Variants in SNX6 observed in about 807,000 individuals in gnomAD.
SNX6 encodes sorting nexin 6.
Under a neutral mutation model 63.0 loss-of-function variants are expected in SNX6, and 34 were observed. That is an observed-to-expected ratio of 0.54 (90% CI 0.41 to 0.72). The LOEUF is 0.72. Among genes scored for constraint, SNX6 ranks in the 30% least tolerant of loss-of-function variants. The pLI is 0.00. For synonymous variants in SNX6, 170 were observed against 164.2 expected (o/e 1.04, Z -0.27); for missense variants, 398 against 471.4 (o/e 0.84, Z 1.44).
chr14:34,567,527 T>C (rs983644138), intron 13 of SNX6, among the ~76,000 whole-genome samples, 159 bp downstream of exon 13: 2 of 152,102 alleles, frequency 1.3e-5, no homozygotes, highest in Non-Finnish European at 2.9e-5. Context: ...ACCAACTATT[T>C]TGAAGCAGTG....
At chr14:34,585,986 C>G (rs889928408) in intron 9 of SNX6, among the ~76,000 whole-genome samples, 1 of 152,048 alleles carries the variant, frequency 6.6e-6, no homozygotes, top group African/African-American at 2.4e-5. Context: ...CTCACTGCAA[C>G]CTCTGCCTCC....
At chr14:34,568,618 C>G in intron 11 of SNX6, 1 of 668,540 alleles carries the variant, frequency 1.5e-6, no homozygotes, top group Non-Finnish European at 2.7e-6. Context: ...CAAGCGTGAG[C>G]CACTGCACTC....
chr14:34,576,215 G>A (rs1002577361), intron 10 of SNX6, among the ~76,000 whole-genome samples: 15 of 151,614 alleles, frequency 9.9e-5, no homozygotes, highest in Admixed American at 7.9e-4. Flanking sequence ...GTGAGCCACC[G>A]CGCCCGGCCT....
rs192112164 is a variant in SNX6 at position 34,570,663 on chromosome 14, C to T, written c.922-2650G>A. 5.2e-3 allele frequency among the ~76,000 whole-genome samples: 789 copies of T among 150,756 alleles called. 28 individuals are homozygous for T. Among genetic ancestry groups the T allele is most frequent in the Admixed American group, 0.049 (734 of 15,024 alleles). ...GTCTTGAACTCTCAACCTCGTGATC[C>T]ACCTGCCTCAGCCTCCCAAAATGCT... On this transcript the variant is annotated intron_variant, in intron 11 of 13. Transcript: ENST00000362031.
intron 2 of SNX6, among the ~76,000 whole-genome samples, chr14:34,612,605 T>C (rs919970396): frequency 6.6e-6 from 1 of 152,012 alleles, no homozygotes; most frequent in African/African-American, 2.4e-5. Context: ...AGCTAATTTT[T>C]GTATTTTTAG....
At chr14:34,576,252 C>G (rs1776060415) in intron 10 of SNX6, among the ~76,000 whole-genome samples, 1 of 151,712 alleles carries the variant, frequency 6.6e-6, no homozygotes, top group Admixed American at 6.6e-5. Context: ...ACTTAATTTC[C>G]TACTTAATTT....
At chr14:34,577,786 T>C (rs1413662125) in intron 10 of SNX6, among the ~76,000 whole-genome samples, 6 of 152,100 alleles carry the variant, frequency 3.9e-5, no homozygotes. Context: ...TAAGGGAGAA[T>C]CATTAGTAAC....
At chr14:34,612,876 C>A (rs1258369875) in intron 2 of SNX6, among the ~76,000 whole-genome samples, 2 of 151,708 alleles carry the variant, frequency 1.3e-5, no homozygotes, top group Non-Finnish European at 2.9e-5. Context: ...GTGGAGAAGC[C>A]CTGTCTCTAC....
At chr14:34,609,538 G>C (rs913584772) in intron 3 of SNX6, 100 bp downstream of exon 3, 8 of 364,964 alleles carry the variant, frequency 2.2e-5, no homozygotes, top group African/African-American at 1.2e-4. Context: ...TGTTAAAATA[G>C]TTTCTTTCCA....
At chr14:34,613,130 T>G (rs1449853503) in intron 2 of SNX6, among the ~76,000 whole-genome samples, 1 of 151,226 alleles carries the variant, frequency 6.6e-6, no homozygotes, top group East Asian at 2.0e-4. Context: ...ATTAGAGTAA[T>G]GCAGCCACAA....
chr14:34,608,538 G>A (rs1466017714), intron 3 of SNX6, among the ~76,000 whole-genome samples: 3 of 152,110 alleles, frequency 2.0e-5, no homozygotes, highest in African/African-American at 7.2e-5. Flanking sequence ...TGTCCTTTAA[G>A]TCTACCATAA....
chr14:34,577,086 G>A (rs1394201866), intron 10 of SNX6, among the ~76,000 whole-genome samples: 2 of 151,732 alleles, frequency 1.3e-5, no homozygotes, highest in Non-Finnish European at 2.9e-5. Context: ...AACTTTCTAG[G>A]TATTTCTTTC....
intron 11 of SNX6, 130 bp from the exon 12 acceptor site, chr14:34,568,143 A>ATTTT: frequency 1.6e-6 from 1 of 620,382 alleles, no homozygotes; most frequent in Non-Finnish European, 2.5e-6. Context: ...CAGTTACTCC[A>ATTTT]ATTTTTTTTT....
At position 34,608,148 on chromosome 14, in the gene SNX6, G is replaced by A. The variant is rs775988867; in HGVS notation, c.160-8C>T. 4 of 1,489,482 alleles carry A rather than the reference G, an allele frequency of 2.7e-6. No homozygotes were observed. Among genetic ancestry groups the A allele is most frequent in the Non-Finnish European group, 3.7e-6 (4 of 1,085,498 alleles). The allele number at this position is 1,489,482 out of a possible 1,614,324, so 92.3% of individuals were successfully genotyped here. ...AAAATTTGGCAATGAACTCTGTAAAGATAGAGATTTTCTTGAATAAAAATC... is the reference window on the plus strand; with the variant it reads ...AAAATTTGGCAATGAACTCTGTAAAAATAGAGATTTTCTTGAATAAAAATC... On this transcript the variant is annotated splice_region_variant and splice_polypyrimidine_tract_variant and intron_variant, in intron 3 of 13. Coordinates refer to ENST00000362031, the MANE Select transcript of SNX6 (RefSeq NM_152233.4).
chr14:34,601,219 C>CTTT (rs77009422), intron 6 of SNX6, among the ~76,000 whole-genome samples: 99 of 142,546 alleles, frequency 6.9e-4, no homozygotes, highest in African/African-American at 1.9e-3. Context: ...AACCCTATTT[C>CTTT]TTTTTTTTTT....
chr14:34,570,417 A>G (rs1020920722), intron 11 of SNX6, among the ~76,000 whole-genome samples: 1 of 139,866 alleles, frequency 7.1e-6, no homozygotes, highest in Admixed American at 7.4e-5. Context: ...GTATAAAGTG[A>G]TATCTCACAT....
Position 34,593,101 on chromosome 14 carries a change from T to C in SNX6, c.662A>G (p.His221Arg). The change falls in exon 8 of 14, where the codon CAT becomes CGT. Residue 221 changes from histidine to arginine, a missense_variant. Coordinates refer to ENST00000362031, the MANE Select transcript of SNX6 (RefSeq NM_152233.4). The stretch of plus-strand genomic sequence containing the variant: ...AGCAGATGCATCCTTAACTCGGTTA[T>C]GATACTCCAAAAGAAATGTTCGTTC... ...EHERTFLLEY[H>R]NRVKDASAKS... 2.5e-6 allele frequency: 4 copies of C among 1,609,358 alleles called. No homozygotes were observed. Among genetic ancestry groups the C allele is most frequent in the Non-Finnish European group, 3.4e-6 (4 of 1,178,652 alleles).
chr14:34,580,939 A>G (rs1228965023), intron 10 of SNX6, among the ~76,000 whole-genome samples: 1 of 151,946 alleles, frequency 6.6e-6, no homozygotes, highest in East Asian at 1.9e-4. Context: ...TACAAGCGTT[A>G]AGTCACTGCA....
At chr14:34,604,053 G>GA in intron 5 of SNX6, 1 of 978,748 alleles carries the variant, frequency 1.0e-6, no homozygotes, top group Non-Finnish European at 1.3e-6. Flanking sequence ...GTCAGTTTGG[G>GA]GGAAAAAAAA....
Sources: gnomAD v4.1 joint callset for allele counts (sites outside exome capture counted in the v4.1 genomes callset) on GRCh38, gnomAD v4.1.1 for gene constraint, MANE v1.5 for transcripts, NCBI Gene and HGNC (gene_info 2026-07-23, HGNC 2026-07-21) for gene names.